ARSB: variants seen among roughly 807,000 people sequenced by gnomAD.
ARSB encodes the protein arylsulfatase B.
ARSB carries 41 observed loss-of-function variants against 50.9 expected under a neutral mutation model. That is an observed-to-expected ratio of 0.81 (90% CI 0.63 to 1.04). The LOEUF (loss-of-function observed/expected upper bound fraction) is 1.04, where lower values mean the gene tolerates loss of function less well. ARSB is among the 50% of genes least tolerant of loss of function. ARSB has a pLI of 0.00. For synonymous variants in ARSB, 269 were observed against 284.8 expected, an observed-to-expected ratio of 0.94 and a Z score of 0.56; for missense variants, 672 against 693.3, an observed-to-expected ratio of 0.97 and a Z score of 0.35.
chr5:78,836,304 G>C (rs923324792), intron 6 of ARSB, among the ~76,000 whole-genome samples: 5 of 152,104 alleles, frequency 3.3e-5, no homozygotes, highest in Non-Finnish European at 5.9e-5. Flanking sequence ...AGAGAACGCT[G>C]TGTGTGTGTG....
chr5:78,949,392 G>A (rs566991182), intron 4 of ARSB, among the ~76,000 whole-genome samples: 12 of 152,184 alleles, frequency 7.9e-5, no homozygotes, highest in Non-Finnish European at 1.6e-4. Flanking sequence ...ACAGGGCTAA[G>A]TGAAGTAAAG....
At chr5:78,957,042 AT>A in intron 3 of ARSB, among the ~76,000 whole-genome samples, 1 of 152,314 alleles carries the variant, frequency 6.6e-6, no homozygotes, top group East Asian at 1.9e-4. Flanking sequence ...CACTGATTCT[AT>A]TTTACCACTT....
intron 1 of ARSB, 21 bp from the exon 2 acceptor site, chr5:78,969,213 A>G: frequency 6.2e-7 from 1 of 1,612,960 alleles, no homozygotes; most frequent in Non-Finnish European, 8.5e-7. Context: ...TAAACATAAA[A>G]TTATAGATTA....
At chr5:78,946,817 C>G (rs1751257002) in intron 4 of ARSB, among the ~76,000 whole-genome samples, 1 of 151,918 alleles carries the variant, frequency 6.6e-6, no homozygotes, top group Non-Finnish European at 1.5e-5. Context: ...CCCAGAATAG[C>G]CAAAGCTATC....
At chr5:78,854,294 T>C (rs1000631079) in intron 5 of ARSB, among the ~76,000 whole-genome samples, 2 of 152,268 alleles carry the variant, frequency 1.3e-5, no homozygotes, top group Admixed American at 6.5e-5. Flanking sequence ...CTTGCTTTTC[T>C]AGTTTCTTGA....
intron 3 of ARSB, among the ~76,000 whole-genome samples, chr5:78,958,752 G>A (rs1408540891): frequency 6.6e-6 from 1 of 151,910 alleles, no homozygotes; most frequent in Non-Finnish European, 1.5e-5. Flanking sequence ...CCAGAGACCA[G>A]GACTCCTCCC....
intron 5 of ARSB, among the ~76,000 whole-genome samples, chr5:78,881,124 C>T (rs920800981): frequency 1.3e-5 from 2 of 151,990 alleles, no homozygotes; most frequent in East Asian, 1.9e-4. Flanking sequence ...TCCAACTACT[C>T]GGGAAGCTGA....
chr5:78,820,516 G>A lies in ARSB; in HGVS notation c.1213+18840C>T, dbSNP rs185438168. Among the ~76,000 whole-genome samples the A allele has an allele frequency of 1.4e-4, 22 of 151,966 alleles. No homozygotes were observed. In the South Asian group the frequency reaches 2.1e-3, roughly 14 times the overall value. ...GTAGAGGTTGCAGTGAGTCGAAATC[G>A]CACCACTGCACTCCAGCCTGGGCAA... On this transcript the variant is annotated intron_variant, in intron 6 of 7. Transcript: ENST00000264914.
At chr5:78,786,269 C>G (rs1323782674) in intron 6 of ARSB, among the ~76,000 whole-genome samples, 1 of 152,184 alleles carries the variant, frequency 6.6e-6, no homozygotes, top group Non-Finnish European at 1.5e-5. Flanking sequence ...TCGTGTCTGG[C>G]TTCTTTCACT....
intron 4 of ARSB, among the ~76,000 whole-genome samples, chr5:78,950,354 T>C (rs1580114573): frequency 6.6e-6 from 1 of 152,136 alleles, no homozygotes; most frequent in East Asian, 1.9e-4. Context: ...TGGCCCACCC[T>C]GCTTTGCCTC....
chr5:78,870,124 A>G (rs371277494), intron 5 of ARSB, among the ~76,000 whole-genome samples: 36,029 of 141,620 alleles, frequency 0.25, 6,193 homozygotes, highest in African/African-American at 0.49. Flanking sequence ...GAAGAAGTTG[A>G]ATCTCTGAAT....
chr5:78,834,053 C>CA (rs1477042426), intron 6 of ARSB, among the ~76,000 whole-genome samples: 1 of 152,126 alleles, frequency 6.6e-6, no homozygotes. Flanking sequence ...ATGACTTTGA[C>CA]AGGTTGATCT....
chr5:78,781,151 G>A (rs1205076016), intron 7 of ARSB, among the ~76,000 whole-genome samples: 1 of 152,094 alleles, frequency 6.6e-6, no homozygotes, highest in Non-Finnish European at 1.5e-5. Context: ...TCCTTCCCCA[G>A]CTATACCACT....
At chr5:78,974,158 C>T (rs895420673) in intron 1 of ARSB, among the ~76,000 whole-genome samples, 6 of 152,280 alleles carry the variant, frequency 3.9e-5, no homozygotes, top group Admixed American at 3.9e-4. Flanking sequence ...AAATCTGCTC[C>T]CTCCCCACAG....
intron 6 of ARSB, among the ~76,000 whole-genome samples, chr5:78,798,251 C>G (rs1032451016): frequency 7.2e-5 from 11 of 152,136 alleles, no homozygotes; most frequent in Admixed American, 7.2e-4. Context: ...AGTTCTGGCA[C>G]CAGCAGATGC....
Position 78,839,375 on chromosome 5 carries a change from G to T in ARSB, c.1194C>A (p.Asn398Lys). 6.2e-7 allele frequency: 1 copy of T among 1,613,896 alleles called. No homozygotes were observed. ...RIELLHNIDP[N>K]FVDSSPCPRN... Reference sequence around the variant, plus strand: ...ACTCACACGGTGAAGAGTCCACGAAGTTCGGGTCAATATTATGCAGCAGCT... The same window carrying T: ...ACTCACACGGTGAAGAGTCCACGAATTTCGGGTCAATATTATGCAGCAGCT... Residue 398 changes from asparagine to lysine, a missense_variant, in exon 6 of 8, where the codon AAC becomes AAA. Physicochemically the swap from Asn to Lys is moderately conservative, Grantham distance 94. Coordinates refer to ENST00000264914, the MANE Select transcript of ARSB (RefSeq NM_000046.5).
chr5:78,785,872 C>CA (rs1749066943), intron 6 of ARSB, among the ~76,000 whole-genome samples: 7 of 152,184 alleles, frequency 4.6e-5, no homozygotes, highest in Admixed American at 4.6e-4. Flanking sequence ...AGGAGTACTT[C>CA]TTGATTATGG....
At chr5:78,968,315 TTTATTATTATTATTA>T (rs138887783) in intron 2 of ARSB, among the ~76,000 whole-genome samples, 5,940 of 143,140 alleles carry the variant, frequency 0.041, 155 homozygotes, top group Non-Finnish European at 0.059. Flanking sequence ...CATTTTTTAT[TTTATTATTATTATTA>T]TTATTATTAT....
At chr5:78,820,124 A>C (rs1330702003) in intron 6 of ARSB, among the ~76,000 whole-genome samples, 5 of 152,212 alleles carry the variant, frequency 3.3e-5, no homozygotes, top group Admixed American at 3.3e-4. Flanking sequence ...CTCCTCTGGA[A>C]GATGCAGCCA....
Sources: allele counts gnomAD v4.1 joint callset (sites outside exome capture counted in the v4.1 genomes callset), GRCh38; gene constraint gnomAD v4.1.1; transcripts MANE v1.5; gene names NCBI Gene and HGNC (gene_info 2026-07-23, HGNC 2026-07-21).